PPP1R1C: variants seen among roughly 807,000 people sequenced by gnomAD.
The protein encoded by PPP1R1C is protein phosphatase 1 regulatory inhibitor subunit 1C.
In PPP1R1C, 15 loss-of-function variants were observed where a neutral mutation model predicts 17.4. The observed-to-expected ratio is 0.86, with a 90% CI of 0.58 to 1.33. PPP1R1C has a LOEUF of 1.33. PPP1R1C is among the 40% of genes most tolerant of loss of function. The probability of loss-of-function intolerance (pLI) is 0.00; values close to 1 mark genes in which losing one functional copy is unlikely to be tolerated. For synonymous variants in PPP1R1C, 35 were observed against 43.1 expected, an observed-to-expected ratio of 0.81 and a Z score of 0.73; for missense variants, 143 against 130.0, an observed-to-expected ratio of 1.10 and a Z score of -0.48.
intron 4 of PPP1R1C, among the ~76,000 whole-genome samples, chr2:182,078,679 C>A (rs765943108): frequency 6.6e-6 from 1 of 152,206 alleles, no homozygotes; most frequent in Non-Finnish European, 1.5e-5. Flanking sequence ...CCAGCTCTGA[C>A]AATTCAAATC....
intron 4 of PPP1R1C, among the ~76,000 whole-genome samples, chr2:182,098,872 G>A (rs949096108): frequency 6.6e-6 from 1 of 152,138 alleles, no homozygotes; most frequent in Non-Finnish European, 1.5e-5. Flanking sequence ...CCTATGCCTT[G>A]CATTATCTTT....
At position 182,054,706 on chromosome 2, in the gene PPP1R1C, G is replaced by T. The variant is rs188655743; in HGVS notation, c.143-6736G>T. Among the ~76,000 whole-genome samples, 375 of 152,096 alleles carry T rather than the reference G, an allele frequency of 2.5e-3. 1 individual carries two copies. The highest frequency in any genetic ancestry group is 4.1e-3 in the Non-Finnish European group (282 of 67,974). ...GAGACAGTTTTGCTCTGTCACCCAG[G>T]CTAGAATGCAGTGGTATGATCTCAG... On this transcript the variant is annotated intron_variant, in intron 2 of 4. Coordinates refer to ENST00000682840, the MANE Select transcript of PPP1R1C (RefSeq NM_001080545.3).
chr2:182,093,812 T>A (rs1203676318), intron 4 of PPP1R1C, among the ~76,000 whole-genome samples: 1 of 152,234 alleles, frequency 6.6e-6, no homozygotes, highest in Admixed American at 6.5e-5. Context: ...TGGACATTAT[T>A]GTCCATGTGA....
At chr2:182,073,477 T>A (rs1688198288) in intron 4 of PPP1R1C, among the ~76,000 whole-genome samples, 1 of 152,272 alleles carries the variant, frequency 6.6e-6, no homozygotes, top group African/African-American at 2.4e-5. Flanking sequence ...GCTTGCTGTC[T>A]GTCTTCCAGG....
At chr2:181,954,646 A>T (rs954127119) in intron 1 of PPP1R1C, 3 of 152,162 alleles carry the variant, frequency 2.0e-5, no homozygotes, top group African/African-American at 7.2e-5. Context: ...TTAGGAAAAA[A>T]TTCTAAACAT....
chr2:182,117,307 C>A lies in PPP1R1C; in HGVS notation c.*12C>A, dbSNP rs1327310329. The A allele has an allele frequency of 6.6e-7, 1 of 1,521,854 alleles. No homozygotes were observed. The allele number at this position is 1,521,854 out of a possible 1,614,324, so 94.3% of individuals were successfully genotyped here. The stretch of plus-strand genomic sequence containing the variant: ...AGCGGGACCATTAATTACTGGTCTG[C>A]AGCAAGAAGGCTTCTTGGAAATAAC... On this transcript the variant is annotated 3_prime_UTR_variant, in exon 5 of 5. Coordinates refer to ENST00000682840, the MANE Select transcript of PPP1R1C (RefSeq NM_001080545.3).
At chr2:182,069,091 C>T (rs1359186653) in intron 4 of PPP1R1C, among the ~76,000 whole-genome samples, 1 of 152,166 alleles carries the variant, frequency 6.6e-6, no homozygotes, top group Admixed American at 6.6e-5. Flanking sequence ...ATAAACACTC[C>T]TGTCCCTCTG....
intron 5 of PPP1R1C, among the ~76,000 whole-genome samples, chr2:182,123,980 G>A (rs1240036349): frequency 6.6e-6 from 1 of 152,126 alleles, no homozygotes; most frequent in Non-Finnish European, 1.5e-5. Flanking sequence ...GGTTTTTATG[G>A]TTTTAGTTCT....
chr2:181,960,826 G>T (rs552221470), intron 1 of PPP1R1C, among the ~76,000 whole-genome samples: 1 of 152,194 alleles, frequency 6.6e-6, no homozygotes, highest in African/African-American at 2.4e-5. Flanking sequence ...AAAGTACAAC[G>T]TAATCAAATC....
chr2:181,977,586 T>C (rs1685116326), intron 2 of PPP1R1C, among the ~76,000 whole-genome samples: 1 of 152,130 alleles, frequency 6.6e-6, no homozygotes, highest in South Asian at 2.1e-4. Context: ...TGTTATAAAA[T>C]AGAAAACTGT....
chr2:181,955,539 T>G (rs577937172), intron 1 of PPP1R1C, among the ~76,000 whole-genome samples: 51 of 152,354 alleles, frequency 3.3e-4, no homozygotes, highest in African/African-American at 1.2e-3. Flanking sequence ...TTACAGTCTG[T>G]GAGGCTTTCT....
chr2:182,027,612 C>T (rs1307312901), intron 2 of PPP1R1C, among the ~76,000 whole-genome samples: 1 of 120,646 alleles, frequency 8.3e-6, no homozygotes. Flanking sequence ...ATTCGGTTTG[C>T]CAGTATTTTA....
intron 1 of PPP1R1C, among the ~76,000 whole-genome samples, chr2:181,960,704 T>C (rs903787629): frequency 2.6e-5 from 4 of 152,230 alleles, no homozygotes; most frequent in Middle Eastern, 3.2e-3. Flanking sequence ...ATGCAGTCTC[T>C]CCACTTACAG....
intron 4 of PPP1R1C, among the ~76,000 whole-genome samples, chr2:182,094,928 A>C (rs1688888134): frequency 6.6e-6 from 1 of 152,166 alleles, no homozygotes; most frequent in Non-Finnish European, 1.5e-5. Context: ...ATGTATCCCC[A>C]TTGTAAGCCA....
chr2:182,120,686 A>G (rs939450309), downstream of PPP1R1C, among the ~76,000 whole-genome samples: 1 of 152,208 alleles, frequency 6.6e-6, no homozygotes, highest in African/African-American at 2.4e-5. Flanking sequence ...GAGGTGCTAA[A>G]CATAACATTG....
At chr2:182,114,542 A>C (rs1320031595) in intron 4 of PPP1R1C, among the ~76,000 whole-genome samples, 2 of 152,216 alleles carry the variant, frequency 1.3e-5, no homozygotes, top group African/African-American at 4.8e-5. Flanking sequence ...AATCAGATGA[A>C]TATTGATGAC....
At chr2:181,977,132 TAAAAAAAAAAAAAAAAAAA>T (rs67129466) in intron 2 of PPP1R1C, among the ~76,000 whole-genome samples, 301 of 19,842 alleles carry the variant, frequency 0.015, 2 homozygotes, top group African/African-American at 0.025. Context: ...AGAATCTATC[TAAAAAAAAAAAAAAAAAAA>T]AAAAAAAAAA....
rs1391320276 is a variant in PPP1R1C, at chr2:181,957,047, T to C, written n.111+2413T>C. Among the ~76,000 whole-genome samples, 1 of 152,188 alleles carries C rather than the reference T, an allele frequency of 6.6e-6. No individual in the cohort carries two copies. The highest frequency in any genetic ancestry group is 1.9e-4 in the East Asian group (1 of 5,196). ...GTTTTAATTTAAATAAGTATGCATG[T>C]GCTTTGCCACTGGATAATTGTGCTA... On this transcript the variant is annotated intron_variant and non_coding_transcript_variant, in intron 1 of 5. Coordinates refer to the PPP1R1C transcript ENST00000464264. The surrounding 1 kb of genome is among the most constrained non-coding windows in gnomAD (Gnocchi z 4.2).
At chr2:182,060,360 T>TTG (rs34720950) in intron 2 of PPP1R1C, among the ~76,000 whole-genome samples, 6,430 of 152,216 alleles carry the variant, frequency 0.042, 417 homozygotes, top group Admixed American at 0.18. Flanking sequence ...ATGTATATAT[T>TTG]TGTGTGCATA....
Sources: gnomAD v4.1 joint callset for allele counts (sites outside exome capture counted in the v4.1 genomes callset) on GRCh38, gnomAD v4.1.1 for gene constraint, Gnocchi (gnomAD v3.1) non-coding constraint, MANE v1.5 for transcripts, NCBI Gene and HGNC (gene_info 2026-07-23, HGNC 2026-07-21) for gene names.